The following GABRB1 variants were observed in gnomAD, a reference collection of about 807,000 sequenced individuals.
The protein encoded by GABRB1 is gamma-aminobutyric acid receptor subunit beta-1.
GABRB1 carries 17 observed loss-of-function variants against 51.6 expected under a neutral mutation model. That is an observed-to-expected ratio of 0.33 (90% confidence interval 0.23 to 0.49). GABRB1 has a LOEUF of 0.49. Ranked by LOEUF, GABRB1 falls within the 20% of genes least tolerant of loss-of-function variation. The pLI, the probability that GABRB1 is intolerant of heterozygous loss-of-function variation, is 0.99. For missense variants in GABRB1, 410 were observed against 600.6 expected, an observed-to-expected ratio of 0.68 and a Z score of 3.32; for synonymous variants, 247 against 218.9, an observed-to-expected ratio of 1.13 and a Z score of -1.14.
intron 4 of GABRB1, among the ~76,000 whole-genome samples, chr4:47,242,466 T>A (rs915195785): frequency 6.6e-6 from 1 of 152,226 alleles, no homozygotes; most frequent in Non-Finnish European, 1.5e-5. Context: ...CACCACACTG[T>A]CTTCCACAAT....
intron 3 of GABRB1, among the ~76,000 whole-genome samples, chr4:47,138,777 TTG>T (rs1716788005): frequency 6.6e-6 from 1 of 152,094 alleles, no homozygotes; most frequent in Non-Finnish European, 1.5e-5. Flanking sequence ...CTGATGCCAT[TTG>T]ATACCTGGAT....
At chr4:47,419,779 T>A (rs1187572523) in intron 8 of GABRB1, among the ~76,000 whole-genome samples, 1 of 152,180 alleles carries the variant, frequency 6.6e-6, no homozygotes, top group African/African-American at 2.4e-5. Flanking sequence ...TGATTATCCA[T>A]GATCCACCTA....
At chr4:47,060,125 C>T (rs1312579134) in intron 3 of GABRB1, among the ~76,000 whole-genome samples, 1 of 152,126 alleles carries the variant, frequency 6.6e-6, no homozygotes, top group Non-Finnish European at 1.5e-5. Context: ...AAAGTGTTCC[C>T]ATGCTTTATA....
At chr4:47,057,199 G>C (rs1009828888) in intron 3 of GABRB1, among the ~76,000 whole-genome samples, 2 of 152,182 alleles carry the variant, frequency 1.3e-5, no homozygotes, top group Non-Finnish European at 2.9e-5. Context: ...ATAAGGAAGA[G>C]AGTAAATGAT....
At chr4:47,351,025 A>T (rs907265877) in intron 5 of GABRB1, among the ~76,000 whole-genome samples, 1 of 152,240 alleles carries the variant, frequency 6.6e-6, no homozygotes, top group Non-Finnish European at 1.5e-5. Flanking sequence ...AATGTATAAA[A>T]ATTAAAGATT....
chr4:47,009,528 GA>G (rs1351595461), intron 1 of GABRB1, among the ~76,000 whole-genome samples: 1 of 151,878 alleles, frequency 6.6e-6, no homozygotes, highest in African/African-American at 2.4e-5. Flanking sequence ...TTTTTAAGAA[GA>G]AAAAAATAGA....
At chr4:47,383,732 A>G (rs921379725) in intron 5 of GABRB1, among the ~76,000 whole-genome samples, 8 of 152,162 alleles carry the variant, frequency 5.3e-5, no homozygotes, top group African/African-American at 1.9e-4. Flanking sequence ...TGAAAGTATT[A>G]TAACTTAAGC....
chr4:47,326,229 C>T (rs1225202309), intron 5 of GABRB1, among the ~76,000 whole-genome samples: 1 of 152,162 alleles, frequency 6.6e-6, no homozygotes, highest in Non-Finnish European at 1.5e-5. Flanking sequence ...TCCAGGATCA[C>T]CCAAAGCAGA....
At chr4:47,282,052 A>T (rs981119297) in intron 4 of GABRB1, among the ~76,000 whole-genome samples, 1 of 150,630 alleles carries the variant, frequency 6.6e-6, no homozygotes, top group African/African-American at 2.4e-5. Context: ...TCTCATCATT[A>T]AAAAAAGATG....
chr4:47,110,537 A>T (rs969433702), intron 3 of GABRB1, among the ~76,000 whole-genome samples: 2 of 152,190 alleles, frequency 1.3e-5, no homozygotes, highest in African/African-American at 4.8e-5. Flanking sequence ...TATTTTAATT[A>T]AACAAGTTTC....
intron 3 of GABRB1, among the ~76,000 whole-genome samples, chr4:47,140,678 C>T (rs1045333607): frequency 6.6e-6 from 1 of 151,752 alleles, no homozygotes; most frequent in African/African-American, 2.4e-5. Context: ...TGAGAAAGTG[C>T]CCTTTCCCCT....
chr4:47,232,428 C>T (rs1385312152), intron 4 of GABRB1, among the ~76,000 whole-genome samples: 2 of 152,072 alleles, frequency 1.3e-5, no homozygotes, highest in African/African-American at 4.8e-5. Flanking sequence ...TCTGACAATC[C>T]TTCAAATGTT....
chr4:47,257,137 T>G (rs1398959672), intron 4 of GABRB1, among the ~76,000 whole-genome samples: 2 of 152,120 alleles, frequency 1.3e-5, no homozygotes, highest in Non-Finnish European at 2.9e-5. Context: ...AGTGAGGCCA[T>G]GTTTTATTCC....
At chr4:47,051,737 C>A (rs1468418619) in intron 3 of GABRB1, among the ~76,000 whole-genome samples, 1 of 152,174 alleles carries the variant, frequency 6.6e-6, no homozygotes. Flanking sequence ...TCACAAAAAT[C>A]CCAGGGAAAG....
chr4:47,015,341 T>C lies in GABRB1; in HGVS notation c.-19-16573T>C, dbSNP rs140624117. On this transcript the variant is annotated intron_variant, in intron 1 of 3. Transcript: ENST00000513567. ...GGTTGATAAAATTAATAGTGTTGAG[T>C]ATTACTGAGAATTTAAGGATAAACA... is the stretch of plus-strand genomic sequence containing the variant. Among the ~76,000 whole-genome samples, 1,065 of 152,312 alleles carry C rather than the reference T, an allele frequency of 7.0e-3. 12 individuals are homozygous for C. The highest frequency in any genetic ancestry group is 0.024 in the African/African-American group (980 of 41,572).
intron 4 of GABRB1, among the ~76,000 whole-genome samples, chr4:47,299,173 A>G (rs367575030): frequency 1.2e-4 from 19 of 152,278 alleles, no homozygotes; most frequent in African/African-American, 3.6e-4. Context: ...CAGGACATAG[A>G]CATGGGCAAG....
At position 47,395,912 on chromosome 4, in the gene GABRB1, A is replaced by AT. The variant is rs199579438; in HGVS notation, c.545-7399dup. On this transcript the variant is annotated intron_variant, in intron 5 of 8. Transcript: ENST00000295454. ...TGCAACATTATTGTTCTGAACTTTG[A>AT]TTTTTTTAATTGAAAGTGGATTTTT... Among the ~76,000 whole-genome samples, 757 of 151,978 alleles carry AT rather than the reference A, an allele frequency of 5.0e-3. 7 individuals carry two copies. The highest frequency in any genetic ancestry group is 0.017 in the African/African-American group (690 of 41,440).
At chr4:47,267,129 C>A (rs1722668410) in intron 4 of GABRB1, among the ~76,000 whole-genome samples, 1 of 152,004 alleles carries the variant, frequency 6.6e-6, no homozygotes, top group Non-Finnish European at 1.5e-5. Flanking sequence ...GAAAAAAAAT[C>A]TTTCTCCTTA....
chr4:47,203,807 C>G (rs1022603818), intron 4 of GABRB1, among the ~76,000 whole-genome samples: 6 of 151,962 alleles, frequency 3.9e-5, no homozygotes, highest in African/African-American at 7.3e-5. Context: ...GAGGCAAAAC[C>G]TCACTCCTGG....
Sources: allele counts gnomAD v4.1 joint callset (sites outside exome capture counted in the v4.1 genomes callset), GRCh38; gene constraint gnomAD v4.1.1; transcripts MANE v1.5; gene names NCBI Gene and HGNC (gene_info 2026-07-23, HGNC 2026-07-21).